NUP210: variants seen among roughly 807,000 people sequenced by gnomAD.
The protein encoded by NUP210 is nucleoporin 210, also known as nuclear pore membrane glycoprotein 210.
In NUP210, 151 loss-of-function variants were observed where a neutral mutation model predicts 196.0. That is an observed-to-expected ratio of 0.77 (90% confidence interval 0.67 to 0.88). NUP210 has a LOEUF of 0.88. Ranked by LOEUF, NUP210 falls within the 40% of genes least tolerant of loss-of-function variation. The probability of loss-of-function intolerance (pLI) is 0.00; values close to 1 mark genes in which losing one functional copy is unlikely to be tolerated. For synonymous variants in NUP210, 1,070 were observed against 1,052.7 expected (o/e 1.02, Z -0.32); for missense variants, 2,314 against 2,493.7 (o/e 0.93, Z 1.53).
chr3:13,342,341 C>G (rs1479735305), intron 21 of NUP210, among the ~76,000 whole-genome samples: 1 of 152,190 alleles, frequency 6.6e-6, no homozygotes, highest in East Asian at 1.9e-4. Flanking sequence ...ATTCCACATT[C>G]TACTCTTAAG....
chr3:13,317,720 A>T lies in NUP210; in HGVS notation c.5625T>A (p.Pro1875=), dbSNP rs980667424. The change falls in exon 40 of 40, where the codon CCT becomes CCA. Residue 1875 remains proline (P), a synonymous_variant. Coordinates refer to ENST00000254508, the MANE Select transcript of NUP210 (RefSeq NM_024923.4). The part of the protein sequence containing the change: ...NALPPARKAS[P]PSGLWSPAYA... ...AGGCTGGGCTCCACAGCCCTGAGGG[A>T]GGGCTGGCTTTGCGAGCAGGAGGCA... is the stretch of plus-strand genomic sequence containing the variant. 2.5e-6 allele frequency: 4 copies of T among 1,611,612 alleles called. No homozygotes were observed. The highest frequency in any genetic ancestry group is 2.5e-6 in the Non-Finnish European group (3 of 1,179,168).
chr3:13,342,318 C>G (rs560645201), intron 21 of NUP210, among the ~76,000 whole-genome samples, 195 bp from the exon 22 acceptor site: 1 of 152,264 alleles, frequency 6.6e-6, no homozygotes, highest in East Asian at 1.9e-4. Flanking sequence ...CTTGGGGATA[C>G]TTAGAGGCAT....
chr3:13,318,613 T>C (rs939639041), intron 39 of NUP210, among the ~76,000 whole-genome samples: 1 of 152,220 alleles, frequency 6.6e-6, no homozygotes, highest in Non-Finnish European at 1.5e-5. Context: ...AGGTGCTCCC[T>C]GGAGCTGTGC....
intron 6 of NUP210, among the ~76,000 whole-genome samples, chr3:13,385,114 GTCC>G (rs1699230475): frequency 6.6e-6 from 1 of 152,164 alleles, no homozygotes; most frequent in Non-Finnish European, 1.5e-5. Context: ...CAGTTTTTTT[GTCC>G]TCCTGAGAGA....
chr3:13,381,420 C>CTTT lies in NUP210; in HGVS notation c.818-1702_818-1700dup, dbSNP rs10644995. 6.1e-3 allele frequency among the ~76,000 whole-genome samples: 824 copies of CTTT among 134,414 alleles called. 9 individuals are homozygous for CTTT. Among genetic ancestry groups the CTTT allele is most frequent in the Admixed American group, 8.5e-3 (113 of 13,276 alleles). 88.2% of individuals were successfully genotyped at this position (134,414 alleles called of 152,430 possible). On this transcript the variant is annotated intron_variant, in intron 6 of 39. Coordinates refer to ENST00000254508, the MANE Select transcript of NUP210 (RefSeq NM_024923.4). ...CTTTTTCTTTCTTTTCTTTTCTTTT[C>CTTT]TTTTTTTTTTTTTTTAGAGATAGGT...
intron 11 of NUP210, among the ~76,000 whole-genome samples, chr3:13,375,002 G>A (rs1247992941): frequency 6.6e-6 from 1 of 152,198 alleles, no homozygotes; most frequent in African/African-American, 2.4e-5. Flanking sequence ...GATGAGGTTG[G>A]AGATACTTAT....
chr3:13,387,034 A>C (rs1576408310), intron 5 of NUP210, among the ~76,000 whole-genome samples: 1 of 152,214 alleles, frequency 6.6e-6, no homozygotes, highest in Non-Finnish European at 1.5e-5. Context: ...GGCAGTGTAC[A>C]TTGTAGAAAA....
chr3:13,354,134 T>C, intron 16 of NUP210, 27 bp from the exon 17 acceptor site: 1 of 1,558,142 alleles, frequency 6.4e-7, no homozygotes, highest in South Asian at 1.2e-5. Context: ...TCAGATGTTG[T>C]GGTCACCCCC....
chr3:13,325,234 A>G (rs1238514501), intron 33 of NUP210, among the ~76,000 whole-genome samples: 2 of 152,194 alleles, frequency 1.3e-5, no homozygotes. Context: ...TTGTCACAGG[A>G]TGCCTCTGTC....
chr3:13,389,828 T>A (rs1370325238), intron 4 of NUP210, among the ~76,000 whole-genome samples: 1 of 152,080 alleles, frequency 6.6e-6, no homozygotes. Flanking sequence ...CAGAGGCAAG[T>A]GGAAGAGCGG....
In NUP210 at chr3:13,358,313, C is replaced by T; in HGVS notation, c.2237G>A (p.Cys746Tyr). The T allele has an allele frequency of 1.2e-6, 2 of 1,613,924 alleles. No individual in the cohort carries two copies. Among genetic ancestry groups the T allele is most frequent in the Non-Finnish European group, 1.7e-6 (2 of 1,179,912 alleles). ...GAGGGTGAGCCTGGACGGTGGGGCGCAGACGAACTTCACCACGGCAGGCTC... is the reference window on the plus strand; with the variant it reads ...GAGGGTGAGCCTGGACGGTGGGGCGTAGACGAACTTCACCACGGCAGGCTC... Reference protein sequence around the residue: ...AVEPAVVKFVCAPPSRLTLAP... With the variant: ...AVEPAVVKFVYAPPSRLTLAP... Residue 746 changes from cysteine (C) to tyrosine (Y), a missense_variant, in exon 16 of 40, where the codon TGC becomes TAC. By Grantham distance (194) the Cys-to-Tyr change is radical. Transcript: ENST00000254508.
At position 13,375,590 on chromosome 3, in the gene NUP210, C is replaced by A; in HGVS notation, c.1345G>T (p.Glu449Ter). The part of the protein sequence containing the change: ...QVPVWNQQEV[E>*]IHIPITLYPS... ...TACAGGGTGATCGGGATGTGAATTT[C>A]CACCTCCTGCTGGTTCCACACAGGC... The change falls in exon 11 of 40, where the codon GAA becomes TAA. Residue 449 changes from glutamate to a stop codon, truncating the protein, a stop_gained. Coordinates refer to ENST00000254508, the MANE Select transcript of NUP210 (RefSeq NM_024923.4). LOFTEE classifies it high-confidence loss of function. 6.2e-7 allele frequency: 1 copy of A among 1,614,088 alleles called. No individual in the cohort carries two copies. Among genetic ancestry groups the A allele is most frequent in the Non-Finnish European group, 8.5e-7 (1 of 1,179,994 alleles).
intron 16 of NUP210, chr3:13,354,409 G>A (rs1698095965): frequency 2.5e-6 from 1 of 398,014 alleles, no homozygotes; most frequent in Non-Finnish European, 4.7e-6. Flanking sequence ...GGTTGCCACT[G>A]GCATCTACTC....
chr3:13,342,133 G>C lies in NUP210; in HGVS notation c.2965-10C>G. ...TCTTCCCAATCTCCACCTGCATCAT[G>C]GGGACAGAGGTTCAGGGGCAGCCTC... On this transcript the variant is annotated splice_polypyrimidine_tract_variant and intron_variant, in intron 21 of 39. Transcript: ENST00000254508. 6.2e-7 allele frequency: 1 copy of C among 1,613,842 alleles called. No homozygotes were observed. The highest frequency in any genetic ancestry group is 8.5e-7 in the Non-Finnish European group (1 of 1,179,826).
chr3:13,391,702 G>A (rs1699498134), intron 3 of NUP210, among the ~76,000 whole-genome samples: 1 of 139,378 alleles, frequency 7.2e-6, no homozygotes, highest in Non-Finnish European at 1.6e-5. Context: ...ACCACTTCCT[G>A]GGAGTAAACT....
In NUP210 at chr3:13,371,850, C is replaced by T; in HGVS notation, c.1770G>A (p.Val590=). Residue 590 remains valine, a synonymous_variant, in exon 13 of 40, where the codon GTG becomes GTA. Coordinates refer to ENST00000254508, the MANE Select transcript of NUP210 (RefSeq NM_024923.4). ...CTGGTTTACCTGGGAGTGGCTGGAA[C>T]ACACCCTGGTTCTCCACCTCGACAG... is the stretch of plus-strand genomic sequence containing the variant. The part of the protein sequence containing the change: ...DLAVEVENQG[V]FQPLPGRLPP... 1 of 1,605,376 alleles carries T rather than the reference C, an allele frequency of 6.2e-7. No homozygotes were observed. The highest frequency in any genetic ancestry group is 1.7e-5 in the Admixed American group (1 of 58,848).
At chr3:13,360,559 A>G (rs1156320106) in intron 14 of NUP210, 68 bp from the exon 15 acceptor site, 1 of 1,264,540 alleles carries the variant, frequency 7.9e-7, no homozygotes, top group African/African-American at 1.5e-5. Context: ...CGGGCATCCC[A>G]GCCCCACATC....
Position 13,328,791 on chromosome 3 carries a change from G to T in NUP210, c.4266C>A (p.Val1422=). 4 of 1,614,114 alleles carry T rather than the reference G, an allele frequency of 2.5e-6. No homozygotes were observed. The highest frequency in any genetic ancestry group is 3.4e-6 in the Non-Finnish European group (4 of 1,179,992). The part of the protein sequence containing the change: ...SGDVFHAHSS[V]LNFATNRDDF... ...CCTACCTGTTAGTGGCAAAGTTGAG[G>T]ACCGAACTGTGAGCATGGAAGACAT... The change falls in exon 31 of 40, where the codon GTC becomes GTA. Residue 1422 remains valine (V), a synonymous_variant. Transcript: ENST00000254508.
In NUP210 at chr3:13,369,403, T is replaced by C. The variant is rs570774361; in HGVS notation, c.1786+2431A>G. Among the ~76,000 whole-genome samples the C allele has an allele frequency of 6.6e-5, 10 of 152,342 alleles. No individual in the cohort carries two copies. In the East Asian group the frequency reaches 9.6e-4, roughly 15 times the overall value. On this transcript the variant is annotated intron_variant, in intron 13 of 39. Transcript: ENST00000254508. ...GTACTCTGTGGTGTCCTTTGATATA[T>C]AGAACTTTTTTATTTTGTTGTAGTC...
Sources: allele counts gnomAD v4.1 joint callset (sites outside exome capture counted in the v4.1 genomes callset), GRCh38; gene constraint gnomAD v4.1.1; transcripts MANE v1.5; gene names NCBI Gene and HGNC (gene_info 2026-07-23, HGNC 2026-07-21).